Variants in USP48 observed in about 807,000 individuals in gnomAD.
The protein encoded by USP48 is ubiquitin specific peptidase 48, also known as ubiquitin carboxyl-terminal hydrolase 48.
USP48 carries 43 observed loss-of-function variants against 150.7 expected under a neutral mutation model. The ratio of observed to expected loss-of-function variants is 0.29; its 90% confidence interval spans 0.22 to 0.37. The LOEUF (loss-of-function observed/expected upper bound fraction) is 0.37. Among genes scored for constraint, USP48 ranks in the 10% least tolerant of loss-of-function variants. USP48 has a pLI of 1.00. For synonymous variants in USP48, 396 were observed against 425.9 expected, an observed-to-expected ratio of 0.93 and a Z score of 0.86; for missense variants, 813 against 1,249.6, an observed-to-expected ratio of 0.65 and a Z score of 5.27.
intron 8 of USP48, among the ~76,000 whole-genome samples, chr1:21,743,024 T>G (rs765032901): frequency 5.9e-5 from 9 of 152,222 alleles, no homozygotes; most frequent in Non-Finnish European, 1.2e-4. Flanking sequence ...AATTTTTTTT[T>G]AATATTCTGG....
Position 21,679,012 on chromosome 1 carries a change from C to A in USP48, c.*405G>T. 1 of 273,120 alleles carries A rather than the reference C, an allele frequency of 3.7e-6. No individual in the cohort carries two copies. Among genetic ancestry groups the A allele is most frequent in the Non-Finnish European group, 7.0e-6 (1 of 143,510 alleles). The allele number at this position is 273,120 out of a possible 1,614,324, so 16.9% of individuals were successfully genotyped here. ...CTTTTCGTTCAGAGCAGAATGTTGT[C>A]CCATCTACTTGATACAATCCTTTAT... On this transcript the variant is annotated 3_prime_UTR_variant, in exon 27 of 27. Coordinates refer to ENST00000308271, the MANE Select transcript of USP48 (RefSeq NM_032236.8).
At chr1:21,723,701 A>C (rs2097728405) in intron 12 of USP48, among the ~76,000 whole-genome samples, 197 bp downstream of exon 12, 1 of 152,144 alleles carries the variant, frequency 6.6e-6, no homozygotes, top group Non-Finnish European at 1.5e-5. Flanking sequence ...ACAAACCAAA[A>C]AACCCCAACC....
At chr1:21,756,862 T>C in intron 2 of USP48, 160 bp from the exon 3 acceptor site, 5 of 985,400 alleles carry the variant, frequency 5.1e-6, no homozygotes, top group Non-Finnish European at 6.0e-6. Flanking sequence ...TGGGGCATAA[T>C]TTTCATGAAA....
At chr1:21,750,969 A>C (rs752627552) in intron 6 of USP48, among the ~76,000 whole-genome samples, 1 of 152,096 alleles carries the variant, frequency 6.6e-6, no homozygotes, top group Non-Finnish European at 1.5e-5. Flanking sequence ...GAAAGCACAA[A>C]AAATATCTGA....
At chr1:21,779,927 A>G (rs1269254966) in intron 1 of USP48, among the ~76,000 whole-genome samples, 3 of 152,320 alleles carry the variant, frequency 2.0e-5, no homozygotes, top group Admixed American at 1.3e-4. Flanking sequence ...GTACCTGTTT[A>G]TGAGGATGAT....
intron 9 of USP48, among the ~76,000 whole-genome samples, chr1:21,733,327 G>C (rs533374005): frequency 6.6e-6 from 1 of 152,236 alleles, no homozygotes; most frequent in South Asian, 2.1e-4. Flanking sequence ...TGAAGCAGGA[G>C]AATCGTTTGA....
At chr1:21,769,029 G>A (rs767057647) in intron 1 of USP48, among the ~76,000 whole-genome samples, 6 of 152,044 alleles carry the variant, frequency 3.9e-5, no homozygotes, top group African/African-American at 1.4e-4. Context: ...ATTTGTGTTC[G>A]TTTTCCCCAT....
At chr1:21,752,029 A>AAAG (rs1553140894) in intron 5 of USP48, among the ~76,000 whole-genome samples, 1 of 152,020 alleles carries the variant, frequency 6.6e-6, no homozygotes. Flanking sequence ...AAAAAAAAAA[A>AAAG]AAAAGAAAAG....
intron 1 of USP48, among the ~76,000 whole-genome samples, chr1:21,762,672 C>G (rs1417522127): frequency 6.6e-6 from 1 of 151,908 alleles, no homozygotes; most frequent in Non-Finnish European, 1.5e-5. Context: ...TTGAGACCAG[C>G]CTGACCAACA....
At chr1:21,746,185 G>T (rs1414992051) in intron 8 of USP48, among the ~76,000 whole-genome samples, 1 of 152,126 alleles carries the variant, frequency 6.6e-6, no homozygotes, top group Non-Finnish European at 1.5e-5. Flanking sequence ...AAGAGATAGA[G>T]TTTATAAAAT....
Position 21,765,435 on chromosome 1 carries a change from G to A in USP48, c.135-7652C>T, listed in dbSNP as rs577223012. 3.3e-5 allele frequency among the ~76,000 whole-genome samples: 5 copies of A among 152,154 alleles called. No homozygotes were observed. The South Asian group carries it at 1.0e-3, about 32-fold the overall frequency. ...GTTTGAGACCAGCCTGGCTAATATG[G>A]TGAAACCCCGTTCTCTACTAAAAAT... is the stretch of plus-strand genomic sequence containing the variant. On this transcript the variant is annotated intron_variant, in intron 1 of 26. Coordinates refer to ENST00000308271, the MANE Select transcript of USP48 (RefSeq NM_032236.8).
rs2097745596 is a variant in USP48, at chr1:21,728,372, A to T, written c.1450+198T>A. 3.0e-6 allele frequency: 4 copies of T among 1,311,562 alleles called. No homozygotes were observed. The African/African-American group carries it at 6.0e-5, about 20-fold the overall frequency. 81.2% of individuals were successfully genotyped at this position (1,311,562 alleles called of 1,614,324 possible). A position where few individuals can be genotyped will look rare whatever the true frequency, so the allele number is the denominator to read the frequency against. ...TTATTAACAGCTTCCCATTTTTAGG[A>T]GTACAACGTAATGAAATAATATGGA... On this transcript the variant is annotated intron_variant, in intron 11 of 26. Transcript: ENST00000308271.
At chr1:21,740,744 A>T (rs2097779709) in intron 8 of USP48, among the ~76,000 whole-genome samples, 2 of 152,344 alleles carry the variant, frequency 1.3e-5, no homozygotes, top group South Asian at 4.1e-4. Context: ...CAAATACATA[A>T]ATAAAATTTT....
intron 15 of USP48, among the ~76,000 whole-genome samples, chr1:21,713,799 A>G (rs1156543923): frequency 3.9e-4 from 59 of 152,244 alleles, no homozygotes; most frequent in Admixed American, 3.9e-3. Context: ...CACGAGGTCA[A>G]CTCATCTTCT....
At chr1:21,726,058 G>C (rs1460489114) in intron 11 of USP48, among the ~76,000 whole-genome samples, 2 of 152,160 alleles carry the variant, frequency 1.3e-5, no homozygotes, top group East Asian at 3.9e-4. Context: ...TTGTGATAAA[G>C]AGCAACATTC....
intron 8 of USP48, among the ~76,000 whole-genome samples, chr1:21,740,146 G>A (rs2152566136): frequency 6.6e-6 from 1 of 152,266 alleles, no homozygotes; most frequent in South Asian, 2.1e-4. Flanking sequence ...CCCAAACTCG[G>A]GTGATCCACC....
intron 9 of USP48, chr1:21,732,587 T>G (rs911295127): frequency 7.9e-5 from 17 of 215,614 alleles, no homozygotes; most frequent in African/African-American, 4.0e-4. Context: ...TGTAGTAATA[T>G]TCATAATTTT....
rs2097672715 is a variant in USP48 at position 21,706,403 on chromosome 1, T to C, written c.2211+64A>G. On this transcript the variant is annotated intron_variant, in intron 17 of 26. Coordinates refer to ENST00000308271, the MANE Select transcript of USP48 (RefSeq NM_032236.8). ...TCTGGGTTGTTCTGAAATAGCTCACTGGGAATTTGGCAAGGGCTTTAAAAA... is the reference window on the plus strand; with the variant it reads ...TCTGGGTTGTTCTGAAATAGCTCACCGGGAATTTGGCAAGGGCTTTAAAAA... The C allele has an allele frequency of 4.4e-6, 7 of 1,606,474 alleles. No individual in the cohort carries two copies. In the Admixed American group the frequency reaches 1.0e-4, roughly 23 times the overall value.
At chr1:21,696,198 G>A (rs1232270154) in intron 22 of USP48, among the ~76,000 whole-genome samples, 1 of 152,198 alleles carries the variant, frequency 6.6e-6, no homozygotes, top group Non-Finnish European at 1.5e-5. Flanking sequence ...CAACACTCTG[G>A]GAGGCCGAAG....
Sources: allele counts gnomAD v4.1 joint callset (sites outside exome capture counted in the v4.1 genomes callset), GRCh38; gene constraint gnomAD v4.1.1; transcripts MANE v1.5; gene names NCBI Gene and HGNC (gene_info 2026-07-23, HGNC 2026-07-21).